Variants in ABL2 observed in about 807,000 individuals in gnomAD.
ABL2 encodes tyrosine-protein kinase ABL2.
ABL2 carries 49 observed loss-of-function variants against 107.7 expected under a neutral mutation model. That is an observed-to-expected ratio of 0.45 (90% CI 0.36 to 0.58). ABL2 has a LOEUF of 0.58. ABL2 is among the 20% of genes least tolerant of loss of function. The probability of loss-of-function intolerance (pLI) is 0.00; values close to 1 mark genes in which losing one functional copy is unlikely to be tolerated. For missense variants in ABL2, 1,245 were observed against 1,457.0 expected, an observed-to-expected ratio of 0.85 and a Z score of 2.37; for synonymous variants, 549 against 548.6, an observed-to-expected ratio of 1.00 and a Z score of -0.01.
intron 4 of ABL2, among the ~76,000 whole-genome samples, chr1:179,122,944 A>AC (rs1225397998): frequency 6.6e-6 from 1 of 152,098 alleles, no homozygotes; most frequent in African/African-American, 2.4e-5. Flanking sequence ...ACAGGTGTGA[A>AC]CTACCACGCC....
intron 1 of ABL2, among the ~76,000 whole-genome samples, chr1:179,139,029 GC>G (rs1447776449): frequency 2.0e-5 from 3 of 152,200 alleles, no homozygotes; most frequent in Non-Finnish European, 4.4e-5. Flanking sequence ...CCCCAGCAGT[GC>G]CAGCCCACCG....
At position 179,104,736 on chromosome 1, in the gene ABL2, T is replaced by C. The variant is rs1653361275; in HGVS notation, c.*2982A>G. 1 of 215,590 alleles carries C rather than the reference T, an allele frequency of 4.6e-6. No individual in the cohort carries two copies. The highest frequency in any genetic ancestry group is 2.3e-5 in the African/African-American group (1 of 44,408). 13.4% of individuals were successfully genotyped at this position (215,590 alleles called of 1,614,324 possible). Reference sequence around the variant, plus strand: ...TGGGAAATCTAAACTGAAGTAATATTATCTGTACATGAAAGGAATCAAGCA... The same window carrying C: ...TGGGAAATCTAAACTGAAGTAATATCATCTGTACATGAAAGGAATCAAGCA... On this transcript the variant is annotated 3_prime_UTR_variant, in exon 12 of 12. Transcript: ENST00000502732.
chr1:179,199,227 C>A (rs1661512446), intron 1 of ABL2, among the ~76,000 whole-genome samples: 1 of 152,144 alleles, frequency 6.6e-6, no homozygotes, highest in African/African-American at 2.4e-5. Context: ...CCTACTAACA[C>A]ACAGGTGTCA....
chr1:179,136,117 C>T (rs544643577), intron 1 of ABL2, among the ~76,000 whole-genome samples: 1 of 151,614 alleles, frequency 6.6e-6, no homozygotes, highest in South Asian at 2.1e-4. Flanking sequence ...GGCCAGCCAC[C>T]CCGTCCGGGA....
chr1:179,164,596 T>C lies in ABL2; in HGVS notation c.158-31222A>G, dbSNP rs565029597. Among the ~76,000 whole-genome samples, 15 of 152,322 alleles carry C rather than the reference T, an allele frequency of 9.8e-5. No individual in the cohort carries two copies. In the East Asian group the frequency reaches 2.7e-3, roughly 27 times the overall value. ...CCTAATAGAATTCCCAAACTCAATG[T>C]TGCTAGCACCTGGTACTATGACCTC... On this transcript the variant is annotated intron_variant, in intron 1 of 11. Transcript: ENST00000502732.
chr1:179,126,528 G>A lies in ABL2; in HGVS notation c.536C>T (p.Ser179Leu). 1 of 1,614,186 alleles carries A rather than the reference G, an allele frequency of 6.2e-7. No individual in the cohort carries two copies. The highest frequency in any genetic ancestry group is 8.5e-7 in the Non-Finnish European group (1 of 1,180,034). The change falls in exon 4 of 12, where the codon TCA becomes TTA. Residue 179 changes from serine (S) to leucine (L), a missense_variant. Physicochemically the swap from Ser to Leu is moderately radical, Grantham distance 145. This residue lies in a region of ABL2 where 320 missense variants were observed against 547.0 expected (regional missense o/e 0.59). Coordinates refer to ENST00000502732, the MANE Select transcript of ABL2 (RefSeq NM_007314.4). This position sits in a 1 kb window ranked among gnomAD's most constrained non-coding sequence, Gnocchi z 4.4. ...EKHSWYHGPV[S>L]RSAAEYLLSS... ...GAGCAGATACTCAGCTGCACTGCGT[G>A]ACACAGGTCCATGGTACCAGGAGTG...
At chr1:179,160,579 C>T (rs144456072) in intron 1 of ABL2, among the ~76,000 whole-genome samples, 1 of 152,092 alleles carries the variant, frequency 6.6e-6, no homozygotes, top group Non-Finnish European at 1.5e-5. Flanking sequence ...CACAGATTTG[C>T]TCCAATTTCC....
At chr1:179,136,207 T>C (rs1263996155) in intron 1 of ABL2, among the ~76,000 whole-genome samples, 2 of 150,936 alleles carry the variant, frequency 1.3e-5, no homozygotes, top group Non-Finnish European at 3.0e-5. Context: ...GTCTGGGAGG[T>C]GTACCCAACA....
At position 179,099,789 on chromosome 1, in the gene ABL2, C is replaced by T. The variant is rs955441446; in HGVS notation, c.*7929G>A. The T allele has an allele frequency of 4.3e-5, 10 of 231,166 alleles. No individual in the cohort carries two copies. The highest frequency in any genetic ancestry group is 6.0e-5 in the Non-Finnish European group (7 of 116,844). 14.3% of individuals were successfully genotyped at this position (231,166 alleles called of 1,614,324 possible). On this transcript the variant is annotated 3_prime_UTR_variant, in exon 12 of 12. Transcript: ENST00000502732. ...AATGTTTAAACTTATTTTTACTAAG[C>T]GAGCATAAAACTGGGGTTTGTCCAG... is the stretch of plus-strand genomic sequence containing the variant.
At chr1:179,215,097 T>C (rs1169010532) in intron 1 of ABL2, among the ~76,000 whole-genome samples, 2 of 150,848 alleles carry the variant, frequency 1.3e-5, no homozygotes, top group Admixed American at 6.6e-5. Flanking sequence ...GAGGTGGAGG[T>C]TGCAATGAGC....
intron 11 of ABL2, among the ~76,000 whole-genome samples, chr1:179,109,993 T>C (rs988837206): frequency 6.6e-6 from 1 of 151,862 alleles, no homozygotes; most frequent in South Asian, 2.1e-4. Context: ...TCAACACTCA[T>C]CCTTTCTTTA....
intron 8 of ABL2, among the ~76,000 whole-genome samples, chr1:179,115,706 GA>G (rs1654554832): frequency 6.6e-6 from 1 of 152,068 alleles, no homozygotes; most frequent in African/African-American, 2.4e-5. Flanking sequence ...GTATTCTCCT[GA>G]GGATAAAGGA....
intron 8 of ABL2, among the ~76,000 whole-genome samples, chr1:179,116,282 G>A (rs535936663): frequency 1.3e-5 from 2 of 152,238 alleles, no homozygotes; most frequent in East Asian, 3.9e-4. Context: ...GCTGAGGCAG[G>A]AGAATCGCTT....
chr1:179,198,219 C>G (rs1359963414), intron 1 of ABL2, among the ~76,000 whole-genome samples: 3 of 150,420 alleles, frequency 2.0e-5, no homozygotes, highest in African/African-American at 7.3e-5. Flanking sequence ...ATACACACTC[C>G]TAGTTTAAAA....
intron 1 of ABL2, among the ~76,000 whole-genome samples, chr1:179,215,545 C>T (rs915709772): frequency 6.6e-6 from 1 of 152,028 alleles, no homozygotes; most frequent in South Asian, 2.1e-4. Context: ...ACCAGCCTGG[C>T]TAACAACCCT....
Position 179,103,605 on chromosome 1 carries a change from A to C in ABL2, c.*4113T>G, listed in dbSNP as rs538249088. ...AAGAATGACCCCATTGAATTTTTTA[A>C]ATGACTGAATTCTACTGAGTGCTTG... On this transcript the variant is annotated 3_prime_UTR_variant, in exon 12 of 12. Transcript: ENST00000502732. The C allele has an allele frequency of 6.8e-5, 15 of 221,594 alleles. No homozygotes were observed. The highest frequency in any genetic ancestry group is 2.2e-4 in the African/African-American group (10 of 44,762). 13.7% of individuals were successfully genotyped at this position (221,594 alleles called of 1,614,324 possible).
chr1:179,157,543 A>C (rs1211918965), intron 1 of ABL2, among the ~76,000 whole-genome samples: 1 of 152,054 alleles, frequency 6.6e-6, no homozygotes, highest in East Asian at 1.9e-4. Flanking sequence ...AATATTCCAA[A>C]ATCTGAAAAA....
intron 1 of ABL2, among the ~76,000 whole-genome samples, chr1:179,178,415 A>AAAAAAAAAAAAAAC (rs1660174682): frequency 6.6e-6 from 1 of 151,330 alleles, no homozygotes; most frequent in Non-Finnish European, 1.5e-5. Flanking sequence ...AAAAAAAAAA[A>AAAAAAAAAAAAAAC]AAAAATTATT....
rs956754140 is a variant in ABL2, at chr1:179,101,294, T to C, written c.*6424A>G. On this transcript the variant is annotated 3_prime_UTR_variant, in exon 12 of 12. Coordinates refer to ENST00000502732, the MANE Select transcript of ABL2 (RefSeq NM_007314.4). ...TTACCTGGGAAGAAGTATGGGATCTTCTTATCTTGATCCCACAGGGTGAAG... is the reference window on the plus strand; with the variant it reads ...TTACCTGGGAAGAAGTATGGGATCTCCTTATCTTGATCCCACAGGGTGAAG... 3 of 214,876 alleles carry C rather than the reference T, an allele frequency of 1.4e-5. No individual in the cohort carries two copies. In the East Asian group the frequency reaches 2.1e-4, roughly 15 times the overall value. The allele number at this position is 214,876 out of a possible 1,614,324, so 13.3% of individuals were successfully genotyped here.
Sources: allele counts gnomAD v4.1 joint callset (sites outside exome capture counted in the v4.1 genomes callset), GRCh38; gene constraint gnomAD v4.1.1; regional missense constraint gnomAD v4.1.1; non-coding constraint Gnocchi (gnomAD v3.1); transcripts MANE v1.5; gene names NCBI Gene and HGNC (gene_info 2026-07-23, HGNC 2026-07-21).